Variants in SLAMF1 observed in about 807,000 individuals in gnomAD.
The protein encoded by SLAMF1 is signaling lymphocytic activation molecule.
Under a neutral mutation model 35.1 loss-of-function variants are expected in SLAMF1, and 18 were observed. The ratio of observed to expected loss-of-function variants is 0.51; its 90% CI spans 0.35 to 0.76. The LOEUF is 0.76. SLAMF1 is among the 30% of genes least tolerant of loss of function. The pLI is 0.01. For missense variants in SLAMF1, 392 were observed against 413.0 expected, an observed-to-expected ratio of 0.95 and a Z score of 0.44; for synonymous variants, 168 against 157.2, an observed-to-expected ratio of 1.07 and a Z score of -0.51.
intron 1 of SLAMF1, among the ~76,000 whole-genome samples, chr1:160,645,917 C>T (rs187140375): frequency 6.6e-6 from 1 of 152,216 alleles, no homozygotes; most frequent in Non-Finnish European, 1.5e-5. Context: ...TTAAAACACC[C>T]TGGGCCTCAG....
chr1:160,640,569 C>T (rs1660696066), intron 1 of SLAMF1, among the ~76,000 whole-genome samples: 1 of 151,942 alleles, frequency 6.6e-6, no homozygotes, highest in East Asian at 1.9e-4. Flanking sequence ...CTAGAAGAGA[C>T]TCTTTCACAA....
chr1:160,629,268 T>C (rs1414588028), intron 3 of SLAMF1, among the ~76,000 whole-genome samples: 2 of 151,824 alleles, frequency 1.3e-5, no homozygotes, highest in African/African-American at 4.8e-5. Context: ...TTTTTTCTTG[T>C]CTCTGAAAGT....
At chr1:160,622,609 C>T (rs540648868) in intron 4 of SLAMF1, among the ~76,000 whole-genome samples, 147 of 152,328 alleles carry the variant, frequency 9.7e-4, no homozygotes, top group Non-Finnish European at 1.7e-3. Context: ...TATCACCCAT[C>T]GATGGGAACC....
chr1:160,646,940 A>T lies in SLAMF1; in HGVS notation c.6T>A (p.Asp2Glu), dbSNP rs768193769. The part of the protein sequence containing the change: M[D>E]PKGLLSLTFV... Reference sequence around the variant, plus strand: ...AGGTCAAGGAGAGGAGCCCCTTGGGATCCATCAGCCAATGAGGAGAAGGAA... The same window carrying T: ...AGGTCAAGGAGAGGAGCCCCTTGGGTTCCATCAGCCAATGAGGAGAAGGAA... Residue 2 changes from aspartate (D) to glutamate (E), a missense_variant, in exon 1 of 7, where the codon GAT becomes GAA. Coordinates refer to ENST00000302035, the MANE Select transcript of SLAMF1 (RefSeq NM_003037.5). The T allele has an allele frequency of 1.9e-6, 3 of 1,593,956 alleles. No individual in the cohort carries two copies. Among genetic ancestry groups the T allele is most frequent in the African/African-American group, 2.7e-5 (2 of 74,610 alleles).
At chr1:160,638,548 CT>C in intron 1 of SLAMF1, among the ~76,000 whole-genome samples, 1 of 152,292 alleles carries the variant, frequency 6.6e-6, no homozygotes, top group Admixed American at 6.5e-5. Flanking sequence ...ACTATCTCCC[CT>C]GATCCCAGGT....
chr1:160,635,768 A>G (rs570040772), intron 2 of SLAMF1, among the ~76,000 whole-genome samples: 170 of 149,580 alleles, frequency 1.1e-3, no homozygotes, highest in African/African-American at 4.0e-3. Flanking sequence ...TTTAGTAGAG[A>G]TGGGGTTTCA....
chr1:160,610,065 C>A lies in SLAMF1; in HGVS notation c.*683G>T. The A allele has an allele frequency of 3.2e-6, 1 of 308,646 alleles. No homozygotes were observed. Among genetic ancestry groups the A allele is most frequent in the Non-Finnish European group, 6.4e-6 (1 of 157,156 alleles). 19.1% of individuals were successfully genotyped at this position (308,646 alleles called of 1,614,324 possible). ...CAGAACTGTACTTTTAAGGCTCTTA[C>A]ATGGTTTCCAGTCCACTGTTCAAAA... is the stretch of plus-strand genomic sequence containing the variant. On this transcript the variant is annotated 3_prime_UTR_variant, in exon 7 of 7. Coordinates refer to ENST00000302035, the MANE Select transcript of SLAMF1 (RefSeq NM_003037.5).
chr1:160,619,654 C>T (rs1263654114), intron 5 of SLAMF1, 122 bp downstream of exon 5: 2 of 736,066 alleles, frequency 2.7e-6, no homozygotes, highest in Middle Eastern at 2.4e-4. Flanking sequence ...GTTCTTGACT[C>T]CTGTTCCCTA....
chr1:160,615,305 TAAATC>T (rs1260007779), intron 5 of SLAMF1, among the ~76,000 whole-genome samples: 2 of 152,052 alleles, frequency 1.3e-5, no homozygotes, highest in African/African-American at 2.4e-5. Flanking sequence ...AACGGTCACT[TAAATC>T]AAGAGGTGAA....
chr1:160,640,359 T>TATATACAC (rs1361053277), intron 1 of SLAMF1, among the ~76,000 whole-genome samples: 9 of 122,450 alleles, frequency 7.3e-5, no homozygotes, highest in South Asian at 2.6e-4. Flanking sequence ...TATATATATA[T>TATATACAC]ACACACACAC....
intron 6 of SLAMF1, 73 bp from the exon 7 acceptor site, chr1:160,610,871 C>G (rs971999415): frequency 8.8e-6 from 10 of 1,139,374 alleles, no homozygotes; most frequent in African/African-American, 6.1e-5. Context: ...GAAAACAGCA[C>G]TGCTGAGGAA....
At chr1:160,629,037 A>G (rs1660026764) in intron 3 of SLAMF1, among the ~76,000 whole-genome samples, 1 of 152,160 alleles carries the variant, frequency 6.6e-6, no homozygotes, top group African/African-American at 2.4e-5. Context: ...TTCATTCACA[A>G]AGAAATGCTA....
At chr1:160,641,857 G>A (rs1018708762) in intron 1 of SLAMF1, among the ~76,000 whole-genome samples, 2 of 152,144 alleles carry the variant, frequency 1.3e-5, no homozygotes, top group African/African-American at 2.4e-5. Context: ...AGTCTGGGAG[G>A]AAACATTTGT....
At chr1:160,637,654 A>G in intron 1 of SLAMF1, 125 bp from the exon 2 acceptor site, 1 of 664,570 alleles carries the variant, frequency 1.5e-6, no homozygotes, top group Admixed American at 2.9e-5. Context: ...GGGGTTGCCA[A>G]GTCCTTCGTG....
intron 3 of SLAMF1, among the ~76,000 whole-genome samples, chr1:160,627,314 T>A (rs1659934499): frequency 6.6e-6 from 1 of 152,220 alleles, no homozygotes; most frequent in African/African-American, 2.4e-5. Context: ...GCCTCAATTC[T>A]CCAAATAGTT....
chr1:160,635,739 T>A (rs1255398375), intron 2 of SLAMF1, among the ~76,000 whole-genome samples: 1 of 20,274 alleles, frequency 4.9e-5, no homozygotes, highest in Non-Finnish European at 1.1e-4. Flanking sequence ...GCTGAGCTAA[T>A]TTTTTTTTTT....
At position 160,642,777 on chromosome 1, in the gene SLAMF1, A is replaced by T. The variant is rs1329422111; in HGVS notation, c.76+4093T>A. The stretch of plus-strand genomic sequence containing the variant: ...CCCCACTTGCCAGCTGAGGACATGG[A>T]AGTGCCTTAAATATAAACCCTAGGT... On this transcript the variant is annotated intron_variant, in intron 1 of 6. Coordinates refer to ENST00000302035, the MANE Select transcript of SLAMF1 (RefSeq NM_003037.5). This position sits in a 1 kb window ranked among gnomAD's most constrained non-coding sequence, Gnocchi z 4.2. Among the ~76,000 whole-genome samples, 1 of 152,182 alleles carries T rather than the reference A, an allele frequency of 6.6e-6. No homozygotes were observed. The highest frequency in any genetic ancestry group is 1.5e-5 in the Non-Finnish European group (1 of 68,038).
chr1:160,646,732 G>A, intron 1 of SLAMF1, 138 bp downstream of exon 1: 1 of 607,910 alleles, frequency 1.6e-6, no homozygotes, highest in South Asian at 1.6e-5. Context: ...GAAAGAGGCA[G>A]TTGAAACTGA....
chr1:160,621,855 CGTGTGTGTGTGT>C (rs59676823), intron 4 of SLAMF1, among the ~76,000 whole-genome samples: 5 of 145,210 alleles, frequency 3.4e-5, no homozygotes, highest in African/African-American at 5.2e-5. Context: ...TGCGTGAGTG[CGTGTGTGTGTGT>C]GTGTGTGTGT....
Sources: allele counts gnomAD v4.1 joint callset (sites outside exome capture counted in the v4.1 genomes callset), GRCh38; gene constraint gnomAD v4.1.1; non-coding constraint Gnocchi (gnomAD v3.1); transcripts MANE v1.5; gene names NCBI Gene and HGNC (gene_info 2026-07-23, HGNC 2026-07-21).